Variants in ATP2C1 observed in about 807,000 individuals in gnomAD.
The protein encoded by ATP2C1 is ATPase secretory pathway Ca2+ transporting 1.
A neutral mutation model predicts 120.5 loss-of-function variants in ATP2C1; 31 were observed. That is an observed-to-expected ratio of 0.26 (90% CI 0.19 to 0.35). ATP2C1 has a LOEUF of 0.35. ATP2C1 is among the 10% of genes least tolerant of loss of function. The pLI is 1.00. For missense variants in ATP2C1, 731 were observed against 1,107.5 expected (o/e 0.66, Z 4.83); for synonymous variants, 351 against 358.7 (o/e 0.98, Z 0.24).
At chr3:130,919,427 C>T (rs553382020) in intron 2 of ATP2C1, among the ~76,000 whole-genome samples, 5 of 151,860 alleles carry the variant, frequency 3.3e-5, no homozygotes, top group Admixed American at 6.6e-5. Context: ...CCATGTTAAC[C>T]AGGCTGTTGT....
chr3:130,871,969 C>T (rs1333288509), intron 1 of ATP2C1, among the ~76,000 whole-genome samples: 2 of 144,916 alleles, frequency 1.4e-5, no homozygotes, highest in Admixed American at 7.2e-5. Context: ...TTGCAGTGAG[C>T]GGAGATCATG....
In ATP2C1 at chr3:130,959,282, C is replaced by T; in HGVS notation, c.840C>T (p.Ile280=). 6.2e-7 allele frequency: 1 copy of T among 1,605,920 alleles called. No individual in the cohort carries two copies. Among genetic ancestry groups the T allele is most frequent in the East Asian group, 2.2e-5 (1 of 44,680 alleles). ...SFYSFGIIGI[I]MLVGWLLGKD... is the part of the protein sequence containing the mutation. ...TATTTAATTATCTTTCAGGAATCATCATGTTGGTTGGCTGGTTACTGGGAA... is the reference window on the plus strand; with the variant it reads ...TATTTAATTATCTTTCAGGAATCATTATGTTGGTTGGCTGGTTACTGGGAA... The change falls in exon 12 of 28, where the codon ATC becomes ATT. Residue 280 remains isoleucine (I), a synonymous_variant. Coordinates refer to ENST00000510168, the MANE Select transcript of ATP2C1 (RefSeq NM_001378687.1).
rs140413105 is a variant in ATP2C1 at position 130,861,298 on chromosome 3, T to G, written c.108+10370T>G. Among the ~76,000 whole-genome samples the G allele has an allele frequency of 7.3e-3, 1,102 of 151,846 alleles. 9 individuals are homozygous for G. Among genetic ancestry groups the G allele is most frequent in the African/African-American group, 0.025 (1,035 of 41,428 alleles). ...GTCTGTATCAGGGTTCTCTAGGAGGTGAGGTATTTATTATGGGAATCGGCT... is the reference window on the plus strand; with the variant it reads ...GTCTGTATCAGGGTTCTCTAGGAGGGGAGGTATTTATTATGGGAATCGGCT... On this transcript the variant is annotated intron_variant, in intron 1 of 26. Transcript: ENST00000504381.
At chr3:130,853,583 C>A (rs1241815476) in intron 1 of ATP2C1, among the ~76,000 whole-genome samples, 1 of 152,178 alleles carries the variant, frequency 6.6e-6, no homozygotes, top group Non-Finnish European at 1.5e-5. Flanking sequence ...ACAACTTGCC[C>A]TCCTGGAGGT....
chr3:130,984,136 T>C (rs1002144671), intron 20 of ATP2C1, among the ~76,000 whole-genome samples: 1 of 152,176 alleles, frequency 6.6e-6, no homozygotes, highest in African/African-American at 2.4e-5. Context: ...CTTGGGAGAC[T>C]TGGCTGATGT....
At chr3:130,870,145 T>G (rs191227008) in intron 1 of ATP2C1, among the ~76,000 whole-genome samples, 2 of 152,264 alleles carry the variant, frequency 1.3e-5, no homozygotes, top group East Asian at 3.9e-4. Context: ...GCTTACTGAA[T>G]ATTTTAAGCC....
intron 23 of ATP2C1, 30 bp downstream of exon 23, chr3:130,996,141 G>C: frequency 6.8e-7 from 1 of 1,470,966 alleles, no homozygotes. Flanking sequence ...GTCACCATGG[G>C]TCTTCTGGAT....
At chr3:130,959,189 G>A in intron 11 of ATP2C1, 86 bp from the exon 12 acceptor site, 3 of 957,256 alleles carry the variant, frequency 3.1e-6, no homozygotes, top group African/African-American at 1.6e-5. Context: ...TTTTGTCAAG[G>A]GACGTTTTAG....
intron 1 of ATP2C1, among the ~76,000 whole-genome samples, chr3:130,854,677 G>A (rs1022108862): frequency 1.3e-5 from 2 of 152,126 alleles, no homozygotes; most frequent in Non-Finnish European, 1.5e-5. Flanking sequence ...GAACCCCTGG[G>A]GAGTACTGCT....
At chr3:130,986,269 T>A (rs915151324) in intron 20 of ATP2C1, among the ~76,000 whole-genome samples, 8 of 152,120 alleles carry the variant, frequency 5.3e-5, no homozygotes, top group African/African-American at 1.9e-4. Context: ...TGGATTTTTT[T>A]AGTGGTATTG....
rs1401740510 is a variant in ATP2C1 at position 130,966,445 on chromosome 3, A to G, written c.1123-700A>G. On this transcript the variant is annotated intron_variant, in intron 14 of 27. Transcript: ENST00000510168. ...TTTTTTATTTATTTTTATTTTTAAT[A>G]GAGATGGATCTTGCTTTGTTGCCCA... is the stretch of plus-strand genomic sequence containing the variant. 2.0e-5 allele frequency among the ~76,000 whole-genome samples: 3 copies of G among 152,106 alleles called. No individual in the cohort carries two copies. In the East Asian group the frequency reaches 5.8e-4, roughly 29 times the overall value.
At chr3:130,954,057 G>T in intron 9 of ATP2C1, 81 bp downstream of exon 9, 1 of 1,471,258 alleles carries the variant, frequency 6.8e-7, no homozygotes, top group Non-Finnish European at 9.5e-7. Context: ...GATTTTATGT[G>T]GAATTTTTCA....
At chr3:130,943,237 A>T (rs961882960) in intron 8 of ATP2C1, among the ~76,000 whole-genome samples, 32 of 152,284 alleles carry the variant, frequency 2.1e-4, no homozygotes, top group African/African-American at 7.7e-4. Context: ...TGTTTTTGAG[A>T]TGGAGTCTCA....
At chr3:130,961,075 G>GTT (rs1029394746) in intron 12 of ATP2C1, among the ~76,000 whole-genome samples, 4 of 146,754 alleles carry the variant, frequency 2.7e-5, no homozygotes, top group Non-Finnish European at 4.5e-5. Flanking sequence ...GAAAGAATGT[G>GTT]TTTTTTTTTT....
At chr3:130,973,772 A>G (rs1061483) in intron 17 of ATP2C1, among the ~76,000 whole-genome samples, 27,276 of 152,216 alleles carry the variant, frequency 0.18, 2,596 homozygotes, top group Middle Eastern at 0.23. Context: ...ATACTTTTCA[A>G]TGAAAACATT....
At chr3:130,925,756 G>T in intron 2 of ATP2C1, among the ~76,000 whole-genome samples, 1 of 151,716 alleles carries the variant, frequency 6.6e-6, no homozygotes, top group African/African-American at 2.4e-5. Context: ...CAGGAATAGG[G>T]GTGTCTCAGC....
chr3:130,884,240 C>T (rs1392762400), intron 1 of ATP2C1, among the ~76,000 whole-genome samples: 3 of 152,190 alleles, frequency 2.0e-5, no homozygotes, highest in Admixed American at 6.5e-5. Context: ...TGTGCCCGTT[C>T]TCCTTCTTAA....
At chr3:130,986,363 G>A (rs895153374) in intron 20 of ATP2C1, among the ~76,000 whole-genome samples, 11 of 152,112 alleles carry the variant, frequency 7.2e-5, no homozygotes, top group Non-Finnish European at 5.9e-5. Context: ...TCTCAGAGAT[G>A]CTAAAGGTGG....
chr3:130,916,370 C>T (rs189634861), intron 2 of ATP2C1, among the ~76,000 whole-genome samples: 303 of 151,504 alleles, frequency 2.0e-3, no homozygotes, highest in African/African-American at 6.6e-3. Context: ...GAGCAGAGAT[C>T]GCGCCACTGC....
Sources: gnomAD v4.1 joint callset for allele counts (sites outside exome capture counted in the v4.1 genomes callset) on GRCh38, gnomAD v4.1.1 for gene constraint, MANE v1.5 for transcripts, NCBI Gene and HGNC (gene_info 2026-07-23, HGNC 2026-07-21) for gene names.